Variants in AGBL1 observed in about 807,000 individuals in gnomAD.
AGBL1 encodes AGBL carboxypeptidase 1.
A neutral mutation model predicts 118.9 loss-of-function variants in AGBL1; 130 were observed. The ratio of observed to expected loss-of-function variants is 1.09; its 90% CI spans 0.95 to 1.26. The LOEUF (loss-of-function observed/expected upper bound fraction) is 1.26, where lower values mean the gene tolerates loss of function less well. Ranked by LOEUF, AGBL1 falls within the 50% of genes most tolerant of loss-of-function variation. AGBL1 has a pLI of 0.00. For synonymous variants in AGBL1, 555 were observed against 478.9 expected (o/e 1.16, Z -2.08); for missense variants, 1,584 against 1,298.1 (o/e 1.22, Z -3.38).
At chr15:86,776,626 G>C (rs865847854) in intron 22 of AGBL1, among the ~76,000 whole-genome samples, 1 of 148,992 alleles carries the variant, frequency 6.7e-6, no homozygotes, top group Non-Finnish European at 1.5e-5. Context: ...CATTTTTGTG[G>C]TTTTTTTTTA....
At chr15:86,790,883 G>A (rs71401915) in intron 22 of AGBL1, among the ~76,000 whole-genome samples, 1,569 of 152,044 alleles carry the variant, frequency 0.01, 11 homozygotes, top group Non-Finnish European at 0.017. Context: ...CATGAAAGAA[G>A]TTGTAATCAG....
At chr15:86,316,410 G>A (rs62015574) in intron 17 of AGBL1, among the ~76,000 whole-genome samples, 4,263 of 152,222 alleles carry the variant, frequency 0.028, 66 homozygotes, top group Middle Eastern at 0.068. Context: ...GCCGTGGGTG[G>A]ACAGGAACAA....
intron 18 of AGBL1, among the ~76,000 whole-genome samples, chr15:86,493,675 G>A (rs2082811903): frequency 6.6e-6 from 1 of 152,014 alleles, no homozygotes; most frequent in African/African-American, 2.4e-5. Context: ...CTTCCGTAAT[G>A]CTGTGGGTTT....
At chr15:86,567,340 A>T (rs2083931228) in intron 21 of AGBL1, among the ~76,000 whole-genome samples, 1 of 152,172 alleles carries the variant, frequency 6.6e-6, no homozygotes, top group African/African-American at 2.4e-5. Flanking sequence ...TATCATTTAG[A>T]CATTTCTTTT....
intron 17 of AGBL1, chr15:86,304,781 TG>T (rs2079812400): frequency 6.6e-6 from 1 of 152,310 alleles, no homozygotes; most frequent in African/African-American, 2.4e-5. Flanking sequence ...GGACTTCTCT[TG>T]GTAGTTGTTT....
At chr15:86,859,161 C>G (rs76553330) in intron 22 of AGBL1, among the ~76,000 whole-genome samples, 2 of 152,124 alleles carry the variant, frequency 1.3e-5, no homozygotes, top group Non-Finnish European at 2.9e-5. Flanking sequence ...GAATGTTTCT[C>G]AGAGGAACTA....
chr15:86,169,734 A>G (rs12915073), intron 5 of AGBL1, among the ~76,000 whole-genome samples: 4 of 152,144 alleles, frequency 2.6e-5, no homozygotes, highest in Non-Finnish European at 5.9e-5. Context: ...TGCAATTTTT[A>G]AAAATATATT....
At chr15:86,900,651 A>AT (rs1567230906) in intron 22 of AGBL1, among the ~76,000 whole-genome samples, 1 of 141,302 alleles carries the variant, frequency 7.1e-6, no homozygotes, top group Non-Finnish European at 1.5e-5. Context: ...CTTATATCAG[A>AT]ATTTTTTTTT....
At chr15:86,957,986 G>T (rs988379659) in intron 23 of AGBL1, among the ~76,000 whole-genome samples, 3 of 151,966 alleles carry the variant, frequency 2.0e-5, no homozygotes, top group Admixed American at 2.0e-4. Context: ...AGGATCACTA[G>T]TGGCCAGGAG....
At chr15:87,022,946 A>G (rs1266536208) in intron 24 of AGBL1, among the ~76,000 whole-genome samples, 2 of 152,066 alleles carry the variant, frequency 1.3e-5, no homozygotes, top group African/African-American at 4.8e-5. Context: ...CACTACAAGA[A>G]CTGCTTTTCA....
At chr15:86,378,800 C>A (rs2081073013) in intron 17 of AGBL1, among the ~76,000 whole-genome samples, 1 of 152,172 alleles carries the variant, frequency 6.6e-6, no homozygotes, top group Non-Finnish European at 1.5e-5. Context: ...GGGCAACCAA[C>A]TGCCCCAGTT....
intron 15 of AGBL1, among the ~76,000 whole-genome samples, chr15:86,274,142 A>G (rs1177317407): frequency 1.3e-5 from 2 of 152,212 alleles, no homozygotes; most frequent in African/African-American, 4.8e-5. Flanking sequence ...ATTAGGAAAA[A>G]AAGATGAAAT....
chr15:86,135,816 A>G (rs1034196361), intron 1 of AGBL1, among the ~76,000 whole-genome samples: 2 of 152,182 alleles, frequency 1.3e-5, no homozygotes, highest in Non-Finnish European at 2.9e-5. Context: ...ACTAGCGTCC[A>G]GATTGATTTG....
In AGBL1 at chr15:86,622,354, G is replaced by A. The variant is rs866785803; in HGVS notation, c.2995-51919G>A. Among the ~76,000 whole-genome samples the A allele has an allele frequency of 2.4e-4, 37 of 151,208 alleles. 1 individual carries two copies. The highest frequency in any genetic ancestry group is 1.7e-3 in the South Asian group (8 of 4,768). On this transcript the variant is annotated intron_variant, in intron 21 of 22. Coordinates refer to ENST00000614907, the MANE Select transcript of AGBL1 (RefSeq NM_001386094.1). ...TCAAAAAAAAAAAAAAAGGGGGTAG[G>A]GGGTCCACACAAAAACCAGACAGGC...
At chr15:86,483,884 A>T (rs1399456127) in intron 18 of AGBL1, among the ~76,000 whole-genome samples, 3 of 152,130 alleles carry the variant, frequency 2.0e-5, no homozygotes, top group Non-Finnish European at 4.4e-5. Flanking sequence ...TACTGTTATG[A>T]TCTCCTCAAA....
At chr15:86,262,004 C>G (rs1046729636) in intron 9 of AGBL1, among the ~76,000 whole-genome samples, 1 of 149,310 alleles carries the variant, frequency 6.7e-6, no homozygotes, top group Non-Finnish European at 1.5e-5. Flanking sequence ...TATGCAACAG[C>G]CACCTTCTTT....
chr15:86,692,177 CAAAAACA>C (rs899110019), intron 22 of AGBL1, among the ~76,000 whole-genome samples: 21 of 151,794 alleles, frequency 1.4e-4, no homozygotes, highest in East Asian at 1.2e-3. Context: ...GACTCCATCT[CAAAAACA>C]AAAAACAAAA....
intron 21 of AGBL1, among the ~76,000 whole-genome samples, chr15:86,639,354 T>C (rs1417820958): frequency 6.6e-6 from 1 of 152,184 alleles, no homozygotes; most frequent in Non-Finnish European, 1.5e-5. Context: ...CTTTGGTAAG[T>C]ACCTTCACTT....
rs545634829 is a variant in AGBL1, at chr15:86,429,825, G to A, written c.2555+32279G>A. 4.6e-5 allele frequency among the ~76,000 whole-genome samples: 7 copies of A among 152,294 alleles called. No homozygotes were observed. The South Asian group carries it at 1.5e-3, about 32-fold the overall frequency. On this transcript the variant is annotated intron_variant, in intron 18 of 22. Transcript: ENST00000614907. The stretch of plus-strand genomic sequence containing the variant: ...CTAAGAAAGCCAGAGACATTAAAAG[G>A]AACCCAAGGGAAATTCGTAGTTGAA...
Sources: gnomAD v4.1 joint callset for allele counts (sites outside exome capture counted in the v4.1 genomes callset) on GRCh38, gnomAD v4.1.1 for gene constraint, MANE v1.5 for transcripts, NCBI Gene and HGNC (gene_info 2026-07-23, HGNC 2026-07-21) for gene names.